TMEM108: variants seen among roughly 807,000 people sequenced by gnomAD.
The protein encoded by TMEM108 is cancer/testis antigen 124.
Under a neutral mutation model 35.1 loss-of-function variants are expected in TMEM108, and 12 were observed. The ratio of observed to expected loss-of-function variants is 0.34; its 90% CI spans 0.22 to 0.55. TMEM108 has a LOEUF of 0.55. Ranked by LOEUF, TMEM108 falls within the 20% of genes least tolerant of loss-of-function variation. TMEM108 has a pLI of 0.89. For missense variants in TMEM108, 680 were observed against 753.3 expected (o/e 0.90, Z 1.14); for synonymous variants, 287 against 308.6 (o/e 0.93, Z 0.73).
chr3:133,186,213 C>A lies in TMEM108; in HGVS notation c.-46-43053C>A, dbSNP rs144884523. On this transcript the variant is annotated intron_variant, in intron 2 of 5. Transcript: ENST00000321871. ...TCTCTAGAACTAACACTGTTCACTTCATTAGGAACCGTTAAAGGTGGCTTC... is the reference window on the plus strand; with the variant it reads ...TCTCTAGAACTAACACTGTTCACTTAATTAGGAACCGTTAAAGGTGGCTTC... Among the ~76,000 whole-genome samples the A allele has an allele frequency of 2.2e-4, 34 of 152,288 alleles. No homozygotes were observed. The East Asian group carries it at 6.6e-3, about 29-fold the overall frequency.
chr3:133,391,679 G>T (rs2073236888), intron 5 of TMEM108, among the ~76,000 whole-genome samples: 1 of 152,168 alleles, frequency 6.6e-6, no homozygotes. Flanking sequence ...TGCATGGGCT[G>T]TCGCCTCTCC....
At chr3:133,119,460 A>T (rs1476915049) in intron 2 of TMEM108, 1 of 152,172 alleles carries the variant, frequency 6.6e-6, no homozygotes, top group African/African-American at 2.4e-5. Context: ...TTCAATAATG[A>T]CGTTCATTTG....
intron 2 of TMEM108, among the ~76,000 whole-genome samples, chr3:133,116,580 A>G (rs888942127): frequency 1.3e-5 from 2 of 152,156 alleles, no homozygotes; most frequent in African/African-American, 4.8e-5. Context: ...GTTATCTCTA[A>G]GATGCCTTCC....
chr3:133,063,837 G>T (rs1160064098), intron 2 of TMEM108, among the ~76,000 whole-genome samples: 1 of 152,106 alleles, frequency 6.6e-6, no homozygotes, highest in Non-Finnish European at 1.5e-5. Flanking sequence ...AGCCAGAGGA[G>T]GGGCTGCCTT....
chr3:133,237,988 T>C (rs566156593), intron 3 of TMEM108, among the ~76,000 whole-genome samples: 1 of 152,308 alleles, frequency 6.6e-6, no homozygotes, highest in South Asian at 2.1e-4. Flanking sequence ...CCAAAATGTT[T>C]GAGAACCTCT....
At chr3:133,094,274 A>G (rs1019263826) in intron 2 of TMEM108, among the ~76,000 whole-genome samples, 5 of 125,184 alleles carry the variant, frequency 4.0e-5, no homozygotes, top group African/African-American at 1.5e-4. Flanking sequence ...CAGGTTGATA[A>G]CCCTTGATAC....
intron 2 of TMEM108, among the ~76,000 whole-genome samples, chr3:133,176,479 AG>A (rs1277707200): frequency 6.6e-6 from 1 of 152,248 alleles, no homozygotes; most frequent in African/African-American, 2.4e-5. Flanking sequence ...CTCAGACCAC[AG>A]TGCAGTCAAA....
rs576757124 is a variant in TMEM108 at position 133,046,910 on chromosome 3, T to C, written c.-47+890T>C. Reference sequence around the variant, plus strand: ...TTTAAGCAGCTTGGCTCAATACTGCTGAACCTTTGCTAGATAATGTCCCAT... The same window carrying C: ...TTTAAGCAGCTTGGCTCAATACTGCCGAACCTTTGCTAGATAATGTCCCAT... On this transcript the variant is annotated intron_variant, in intron 2 of 5. Transcript: ENST00000321871. Among the ~76,000 whole-genome samples the C allele has an allele frequency of 1.8e-4, 27 of 152,310 alleles. No homozygotes were observed. The East Asian group carries it at 5.0e-3, about 28-fold the overall frequency.
intron 4 of TMEM108, among the ~76,000 whole-genome samples, chr3:133,386,247 A>G (rs971667361): frequency 2.0e-5 from 3 of 152,246 alleles, no homozygotes; most frequent in South Asian, 2.1e-4. Flanking sequence ...AGCATCTGCC[A>G]TGGAGAAGGT....
intron 4 of TMEM108, chr3:133,388,350 C>G: frequency 1.0e-6 from 1 of 981,216 alleles, no homozygotes; most frequent in Non-Finnish European, 1.2e-6. Context: ...TGTGGCAAGG[C>G]GGCCAGCACT....
chr3:133,352,373 C>T (rs538758845), intron 3 of TMEM108, among the ~76,000 whole-genome samples: 16 of 152,290 alleles, frequency 1.1e-4, no homozygotes, highest in Admixed American at 1.0e-3. Flanking sequence ...CCACACTAGC[C>T]AATTCTCCAA....
At chr3:133,154,227 C>G (rs886617962) in intron 2 of TMEM108, among the ~76,000 whole-genome samples, 1 of 152,008 alleles carries the variant, frequency 6.6e-6, no homozygotes, top group East Asian at 1.9e-4. Context: ...AATTTTCTCC[C>G]ATTCTGTAGG....
At chr3:133,040,692 A>G (rs183082517) in intron 1 of TMEM108, among the ~76,000 whole-genome samples, 2 of 152,338 alleles carry the variant, frequency 1.3e-5, no homozygotes, top group Admixed American at 1.3e-4. Context: ...GTTGGGAAAC[A>G]CTGATTAGGT....
Position 133,380,266 on chromosome 3 carries a change from T to G in TMEM108, c.555T>G (p.Pro185=). ...GAGNSSRPVP[P]APGGHSRSKE... ...GTAATTCATCACGCCCTGTCCCGCC[T>G]GCACCTGGTGGCCACTCCAGGAGTA... Residue 185 remains proline, a synonymous_variant, in exon 4 of 6, where the codon CCT becomes CCG. Coordinates refer to ENST00000321871, the MANE Select transcript of TMEM108 (RefSeq NM_023943.4). The surrounding 1 kb of genome is among the most constrained non-coding windows in gnomAD (Gnocchi z 5.3). 1.9e-6 allele frequency: 3 copies of G among 1,613,818 alleles called. No individual in the cohort carries two copies. The highest frequency in any genetic ancestry group is 1.7e-6 in the Non-Finnish European group (2 of 1,179,942).
chr3:133,212,840 C>G (rs1945851588), intron 2 of TMEM108, among the ~76,000 whole-genome samples: 2 of 132,554 alleles, frequency 1.5e-5, no homozygotes, highest in Admixed American at 9.2e-5. Context: ...GCACTCCAGC[C>G]TGAGTGACAG....
chr3:133,076,184 A>AT (rs139787309), intron 2 of TMEM108, among the ~76,000 whole-genome samples: 2,557 of 151,350 alleles, frequency 0.017, 85 homozygotes, highest in African/African-American at 0.059. Flanking sequence ...ATGTGGGCAA[A>AT]TTTTTTTATC....
chr3:133,106,380 TTGAC>T (rs1276049682), intron 2 of TMEM108, among the ~76,000 whole-genome samples: 1 of 152,086 alleles, frequency 6.6e-6, no homozygotes, highest in Admixed American at 6.6e-5. Flanking sequence ...ATTCCAATCA[TTGAC>T]TGACTGAGAT....
At chr3:133,123,077 A>G (rs532590950) in intron 2 of TMEM108, among the ~76,000 whole-genome samples, 8 of 152,278 alleles carry the variant, frequency 5.3e-5, no homozygotes, top group African/African-American at 1.4e-4. Context: ...ACACACATCT[A>G]TGCTTACATG....
intron 2 of TMEM108, among the ~76,000 whole-genome samples, chr3:133,137,583 G>T (rs773034748): frequency 2.0e-5 from 3 of 152,160 alleles, no homozygotes; most frequent in Non-Finnish European, 4.4e-5. Context: ...TTTCTTGACT[G>T]CCTGTTAGAC....
Sources: allele counts gnomAD v4.1 joint callset (sites outside exome capture counted in the v4.1 genomes callset), GRCh38; gene constraint gnomAD v4.1.1; non-coding constraint Gnocchi (gnomAD v3.1); transcripts MANE v1.5; gene names NCBI Gene and HGNC (gene_info 2026-07-23, HGNC 2026-07-21).